The following TSKU variants were observed in gnomAD, a reference collection of about 807,000 sequenced individuals.
TSKU encodes tsukushi.
Under a neutral mutation model 11.2 loss-of-function variants are expected in TSKU, and 4 were observed. That is an observed-to-expected ratio of 0.36 (90% confidence interval 0.18 to 0.82). The LOEUF is 0.82. Among genes scored for constraint, TSKU ranks in the 40% least tolerant of loss-of-function variants. The pLI is 0.50. For synonymous variants in TSKU, 220 were observed against 232.2 expected (o/e 0.95, Z 0.48); for missense variants, 407 against 482.5 (o/e 0.84, Z 1.47).
At chr11:76,791,424 C>T (rs1045470994) in intron 1 of TSKU, among the ~76,000 whole-genome samples, 5 of 152,168 alleles carry the variant, frequency 3.3e-5, no homozygotes, top group Non-Finnish European at 5.9e-5. Context: ...CAGCCCTTCT[C>T]ATCACAGGCC....
chr11:76,796,794 G>C lies in TSKU; in HGVS notation c.*116G>C. The stretch of plus-strand genomic sequence containing the variant: ...GGGGAGCCCGCAGGCCTATGTGGCA[G>C]CGTCACCACAGGAGTTGTGGGCCTA... On this transcript the variant is annotated 3_prime_UTR_variant, in exon 2 of 2. Transcript: ENST00000333090. The surrounding 1 kb of genome is among the most constrained non-coding windows in gnomAD (Gnocchi z 4.1). 1 of 781,240 alleles carries C rather than the reference G, an allele frequency of 1.3e-6. No individual in the cohort carries two copies. The highest frequency in any genetic ancestry group is 1.9e-6 in the Non-Finnish European group (1 of 538,854). 48.4% of individuals were successfully genotyped at this position (781,240 alleles called of 1,614,324 possible).
At chr11:76,782,765 C>G (rs1056675084), upstream of TSKU, 2 of 152,154 alleles carry the variant, frequency 1.3e-5, no homozygotes, top group African/African-American at 2.4e-5. Context: ...GAGCCGGGCT[C>G]TCTCTTCTCT....
intron 1 of TSKU, among the ~76,000 whole-genome samples, chr11:76,784,868 G>A (rs1305144089): frequency 6.6e-6 from 1 of 152,076 alleles, no homozygotes. Flanking sequence ...GAACTTTGTC[G>A]GATGCTGCAG....
chr11:76,787,265 C>T (rs1043382651), intron 1 of TSKU, among the ~76,000 whole-genome samples: 3 of 152,176 alleles, frequency 2.0e-5, no homozygotes, highest in Non-Finnish European at 4.4e-5. Flanking sequence ...TACGCTGCCT[C>T]AGGTTGATGG....
chr11:76,795,138 C>G (rs1387067273), intron 1 of TSKU, among the ~76,000 whole-genome samples: 1 of 152,200 alleles, frequency 6.6e-6, no homozygotes, highest in Non-Finnish European at 1.5e-5. Context: ...CACACCCTAC[C>G]CTCAGCCCTG....
At chr11:76,791,341 T>G (rs1944367263) in intron 1 of TSKU, among the ~76,000 whole-genome samples, 1 of 152,224 alleles carries the variant, frequency 6.6e-6, no homozygotes, top group South Asian at 2.1e-4. Flanking sequence ...GAAATTTGCA[T>G]AACTTGCAGC....
rs1244161978 is a variant in TSKU, at chr11:76,796,730, A to G, written c.*52A>G. 2 of 1,357,310 alleles carry G rather than the reference A, an allele frequency of 1.5e-6. No homozygotes were observed. The highest frequency in any genetic ancestry group is 1.5e-5 in the African/African-American group (1 of 68,066). The allele number at this position is 1,357,310 out of a possible 1,614,324, so 84.1% of individuals were successfully genotyped here. ...ACAGACTGCTGTCCTGGGCTGCCTC[A>G]GGTCCCGAGTAACTTATGTTCAATG... On this transcript the variant is annotated 3_prime_UTR_variant, in exon 2 of 2. Coordinates refer to ENST00000333090, the MANE Select transcript of TSKU (RefSeq NM_015516.4). This position sits in a 1 kb window ranked among gnomAD's most constrained non-coding sequence, Gnocchi z 4.1.
chr11:76,791,662 A>G (rs1423211939), intron 1 of TSKU: 1 of 152,282 alleles, frequency 6.6e-6, no homozygotes, highest in Non-Finnish European at 1.5e-5. Flanking sequence ...CTCTCTGAGC[A>G]TCCACAGAAG....
intron 1 of TSKU, among the ~76,000 whole-genome samples, chr11:76,788,626 A>T (rs1427765861): frequency 6.6e-6 from 1 of 152,184 alleles, no homozygotes; most frequent in Non-Finnish European, 1.5e-5. Context: ...CCATTCTGTC[A>T]TTTAATCCTT....
intron 1 of TSKU, chr11:76,784,012 G>T (rs969615903): frequency 6.6e-6 from 1 of 152,312 alleles, no homozygotes; most frequent in African/African-American, 2.4e-5. Flanking sequence ...CCGGCCGGGG[G>T]CGCAGACAGC....
rs1944469468 is a variant in TSKU, at chr11:76,797,462, G to A, written c.*784G>A. On this transcript the variant is annotated 3_prime_UTR_variant, in exon 2 of 2. Coordinates refer to ENST00000333090, the MANE Select transcript of TSKU (RefSeq NM_015516.4). Reference sequence around the variant, plus strand: ...AAGAGCCTCACAAGTGGGACTCTGGGCCTCTGACCAGCTGTGCGGCATGGG... The same window carrying A: ...AAGAGCCTCACAAGTGGGACTCTGGACCTCTGACCAGCTGTGCGGCATGGG... 6.0e-6 allele frequency: 1 copy of A among 167,206 alleles called. No homozygotes were observed. The highest frequency in any genetic ancestry group is 6.5e-5 in the Admixed American group (1 of 15,300). 10.4% of individuals were successfully genotyped at this position (167,206 alleles called of 1,614,324 possible).
upstream of TSKU, chr11:76,783,222 G>A (rs1201288466): frequency 6.7e-6 from 1 of 150,172 alleles, no homozygotes; most frequent in Non-Finnish European, 1.5e-5. Context: ...GCACTTTGGC[G>A]ACACTCCCTG....
chr11:76,796,394 G>A lies in TSKU; in HGVS notation c.778G>A (p.Asp260Asn). 2 of 1,613,450 alleles carry A rather than the reference G, an allele frequency of 1.2e-6. No homozygotes were observed. Among genetic ancestry groups the A allele is most frequent in the Non-Finnish European group, 1.7e-6 (2 of 1,179,972 alleles). Residue 260 changes from aspartate to asparagine, a missense_variant, in exon 2 of 2, where the codon GAC (aspartate) becomes AAC (asparagine). By Grantham distance (23) the Asp-to-Asn change is conservative (BLOSUM62 1). Coordinates refer to ENST00000333090, the MANE Select transcript of TSKU (RefSeq NM_015516.4). This position sits in a 1 kb window ranked among gnomAD's most constrained non-coding sequence, Gnocchi z 4.1. The stretch of plus-strand genomic sequence containing the variant: ...TGAGCTACCGGGCCTGCAGGTCCTG[G>A]ACCTGTCGGGCAACCCCAAGCTTAA... ...FRELPGLQVL[D>N]LSGNPKLNWA...
chr11:76,789,961 C>T (rs528784529), intron 1 of TSKU, among the ~76,000 whole-genome samples: 1 of 152,070 alleles, frequency 6.6e-6, no homozygotes, highest in African/African-American at 2.4e-5. Flanking sequence ...ATAAGTTGGT[C>T]TTCTGTTCTC....
At chr11:76,783,237 G>T (rs1213585132), upstream of TSKU, 2 of 150,914 alleles carry the variant, frequency 1.3e-5, no homozygotes, top group South Asian at 4.1e-4. Flanking sequence ...TCCCTGAGCC[G>T]CCCCGCGGCC....
At position 76,795,594 on chromosome 11, in the gene TSKU, T is replaced by C; in HGVS notation, c.-8-15T>C. The C allele has an allele frequency of 6.2e-7, 1 of 1,602,194 alleles. No homozygotes were observed. Among genetic ancestry groups the C allele is most frequent in the Non-Finnish European group, 8.5e-7 (1 of 1,177,970 alleles). On this transcript the variant is annotated splice_polypyrimidine_tract_variant and intron_variant, in intron 1 of 1. Transcript: ENST00000333090. ...ATCTGGTGCATTCATTCCTCACCTG[T>C]GGCTCTCTTTCTAGCCCCCACCATG...
chr11:76,785,196 G>A (rs1944299792), intron 1 of TSKU, among the ~76,000 whole-genome samples: 1 of 152,230 alleles, frequency 6.6e-6, no homozygotes, highest in South Asian at 2.1e-4. Context: ...GGAGAGGGAA[G>A]GGAGGGGGAT....
intron 1 of TSKU, among the ~76,000 whole-genome samples, chr11:76,783,861 G>C (rs1383574854): frequency 1.3e-5 from 2 of 152,160 alleles, no homozygotes; most frequent in Admixed American, 1.3e-4. Context: ...TCTGGGCTGG[G>C]TGTCCGCAGA....
chr11:76,782,810 C>T (rs1944250854), upstream of TSKU: 1 of 152,174 alleles, frequency 6.6e-6, no homozygotes, highest in South Asian at 2.1e-4. Context: ...TTCTCTGCTT[C>T]AGATTCTTGG....
Sources: gnomAD v4.1 joint callset for allele counts (sites outside exome capture counted in the v4.1 genomes callset) on GRCh38, gnomAD v4.1.1 for gene constraint, Gnocchi (gnomAD v3.1) non-coding constraint, MANE v1.5 for transcripts, NCBI Gene and HGNC (gene_info 2026-07-23, HGNC 2026-07-21) for gene names.